Variants in PCDHGA2 observed in about 807,000 individuals in gnomAD.
PCDHGA2 encodes the protein protocadherin gamma-A2.
In PCDHGA2, 40 loss-of-function variants were observed where a neutral mutation model predicts 59.2. The observed-to-expected ratio is 0.68, with a 90% CI of 0.52 to 0.88. The LOEUF (loss-of-function observed/expected upper bound fraction) is 0.88. PCDHGA2 is among the 40% of genes least tolerant of loss of function. The pLI, the probability that PCDHGA2 is intolerant of heterozygous loss-of-function variation, is 0.00. For synonymous variants in PCDHGA2, 560 were observed against 526.0 expected, an observed-to-expected ratio of 1.06 and a Z score of -0.89; for missense variants, 1,226 against 1,204.0, an observed-to-expected ratio of 1.02 and a Z score of -0.27.
At chr5:141,413,588 A>C in intron 1 of PCDHGA2, 1 of 1,613,922 alleles carries the variant, frequency 6.2e-7, no homozygotes, top group South Asian at 1.1e-5. Flanking sequence ...CCAAAATTCC[A>C]AGCAGAAAAT....
chr5:141,402,229 A>G (rs1263337414), intron 1 of PCDHGA2, among the ~76,000 whole-genome samples: 4 of 152,110 alleles, frequency 2.6e-5, no homozygotes, highest in Non-Finnish European at 5.9e-5. Context: ...ACGTTTTTCC[A>G]GGAATTTTAT....
intron 1 of PCDHGA2, chr5:141,344,021 C>G: frequency 6.6e-7 from 1 of 1,520,128 alleles, no homozygotes; most frequent in Non-Finnish European, 8.8e-7. Flanking sequence ...GAAAGCGATT[C>G]ACCGAAAAGG....
At position 141,341,096 on chromosome 5, in the gene PCDHGA2, A is replaced by G. The variant is rs773392385; in HGVS notation, c.2125A>G (p.Ile709Val). The change falls in exon 1 of 4, where the codon ATC becomes GTC. Residue 709 changes from isoleucine (I) to valine (V), a missense_variant. Transcript: ENST00000394576. ...AVSCVFLAFV[I>V]VLLAHRLRRW... The stretch of plus-strand genomic sequence containing the variant: ...CTCCTGCGTCTTCCTGGCCTTCGTC[A>G]TCGTGTTGCTGGCGCACAGGCTGCG... 1 of 1,614,194 alleles carries G rather than the reference A, an allele frequency of 6.2e-7. No individual in the cohort carries two copies. Among genetic ancestry groups the G allele is most frequent in the South Asian group, 1.1e-5 (1 of 91,088 alleles).
chr5:141,400,678 TTG>T, intron 1 of PCDHGA2: 1 of 882,002 alleles, frequency 1.1e-6, no homozygotes, highest in Non-Finnish European at 1.7e-6. Flanking sequence ...GAGCAGTAAA[TTG>T]TGAGTTTTTA....
At chr5:141,509,096 T>C (rs1364889034) in intron 3 of PCDHGA2, among the ~76,000 whole-genome samples, 1 of 152,124 alleles carries the variant, frequency 6.6e-6, no homozygotes, top group African/African-American at 2.4e-5. Context: ...ATGGGGGCTG[T>C]AGAAACCTGA....
chr5:141,459,609 T>C (rs939880462), intron 1 of PCDHGA2, among the ~76,000 whole-genome samples: 1 of 152,230 alleles, frequency 6.6e-6, no homozygotes, highest in African/African-American at 2.4e-5. Context: ...AAGTATATGC[T>C]TAACTTTATA....
chr5:141,404,080 C>G (rs369802030), intron 1 of PCDHGA2: 1 of 1,613,516 alleles, frequency 6.2e-7, no homozygotes, highest in Non-Finnish European at 8.5e-7. Flanking sequence ...ACCGAGACTC[C>G]GGGAAGAATG....
chr5:141,374,657 CCGGAGCTGGTGCTGG>C (rs780169875), intron 1 of PCDHGA2: 1 of 1,612,018 alleles, frequency 6.2e-7, no homozygotes, highest in Admixed American at 1.7e-5. Context: ...GCCCAAGTAC[CCGGAGCTGGTGCTGG>C]AGGGCACACT....
chr5:141,360,779 T>C, intron 1 of PCDHGA2: 1 of 1,613,956 alleles, frequency 6.2e-7, no homozygotes, highest in Non-Finnish European at 8.5e-7. Context: ...CTCACAGCTG[T>C]GGATGGCGGA....
At chr5:141,496,639 C>T (rs752903356) in intron 2 of PCDHGA2, among the ~76,000 whole-genome samples, 1 of 152,222 alleles carries the variant, frequency 6.6e-6, no homozygotes, top group Non-Finnish European at 1.5e-5. Context: ...TTGGGCTGCC[C>T]TTGCCCTTCC....
intron 1 of PCDHGA2, chr5:141,372,647 C>T (rs1768941423): frequency 1.9e-6 from 3 of 1,613,918 alleles, no homozygotes; most frequent in South Asian, 2.2e-5. Flanking sequence ...TGCCTTATTC[C>T]TACAATCCGT....
chr5:141,419,890 C>T (rs775698934), intron 1 of PCDHGA2: 3 of 1,614,102 alleles, frequency 1.9e-6, no homozygotes, highest in Non-Finnish European at 2.5e-6. Flanking sequence ...ATTTCAGCGA[C>T]CATCCCACAC....
At chr5:141,479,328 G>C (rs568506786) in intron 1 of PCDHGA2, 3 of 152,536 alleles carry the variant, frequency 2.0e-5, no homozygotes, top group African/African-American at 7.2e-5. Context: ...CAGACTCAGT[G>C]GTGTGCACCT....
chr5:141,375,469 T>C (rs762486539), intron 1 of PCDHGA2: 1 of 1,613,946 alleles, frequency 6.2e-7, no homozygotes, highest in South Asian at 1.1e-5. Flanking sequence ...TCTATGTCCT[T>C]GAAAACAACC....
At chr5:141,395,092 C>CT (rs2093168204) in intron 1 of PCDHGA2, 4 of 1,614,088 alleles carry the variant, frequency 2.5e-6, no homozygotes, top group Non-Finnish European at 3.4e-6. Context: ...GTCTCCCTCA[C>CT]CGCCGACTCG....
chr5:141,485,374 T>A lies in PCDHGA2; in HGVS notation c.2425-9433T>A. Reference sequence around the variant, plus strand: ...TGTCAGCTCGCAGGCTGCAGGTCGCTGGAGAGGTGAACCAAAGACACTTCC... The same window carrying A: ...TGTCAGCTCGCAGGCTGCAGGTCGCAGGAGAGGTGAACCAAAGACACTTCC... On this transcript the variant is annotated intron_variant, in intron 1 of 3. Coordinates refer to ENST00000394576, the MANE Select transcript of PCDHGA2 (RefSeq NM_018915.4). The surrounding 1 kb of genome is among the most constrained non-coding windows in gnomAD (Gnocchi z 5.7). The A allele has an allele frequency of 1.2e-6, 2 of 1,614,082 alleles. No homozygotes were observed. Among genetic ancestry groups the A allele is most frequent in the Non-Finnish European group, 1.7e-6 (2 of 1,179,998 alleles).
chr5:141,436,118 T>C (rs188307595), intron 1 of PCDHGA2, among the ~76,000 whole-genome samples: 5 of 152,310 alleles, frequency 3.3e-5, no homozygotes, highest in Admixed American at 2.0e-4. Flanking sequence ...ATGAAACCTC[T>C]CTCCTCCATC....
chr5:141,415,579 A>G, intron 1 of PCDHGA2: 1 of 1,614,072 alleles, frequency 6.2e-7, no homozygotes, highest in East Asian at 2.2e-5. Flanking sequence ...AGATGATTCG[A>G]AGTTTCCTAT....
intron 1 of PCDHGA2, among the ~76,000 whole-genome samples, chr5:141,437,390 A>T (rs1422429346): frequency 6.6e-6 from 1 of 152,248 alleles, no homozygotes; most frequent in Non-Finnish European, 1.5e-5. Flanking sequence ...ACATTCATCC[A>T]CTGCTTTCAT....
Sources: allele counts gnomAD v4.1 joint callset (sites outside exome capture counted in the v4.1 genomes callset), GRCh38; gene constraint gnomAD v4.1.1; non-coding constraint Gnocchi (gnomAD v3.1); transcripts MANE v1.5; gene names NCBI Gene and HGNC (gene_info 2026-07-23, HGNC 2026-07-21).